Variants in DNAJC6 observed in about 807,000 individuals in gnomAD.
DNAJC6 encodes auxilin.
DNAJC6 carries 34 observed loss-of-function variants against 110.0 expected under a neutral mutation model. The observed-to-expected ratio is 0.31, with a 90% CI of 0.24 to 0.41. DNAJC6 has a LOEUF of 0.41. DNAJC6 is among the 10% of genes least tolerant of loss of function. The pLI is 1.00. For synonymous variants in DNAJC6, 406 were observed against 437.2 expected (o/e 0.93, Z 0.89); for missense variants, 1,031 against 1,207.8 (o/e 0.85, Z 2.17).
Position 65,389,576 on chromosome 1 carries a change from A to C in DNAJC6, c.1417A>C (p.Asn473His), listed in dbSNP as rs1287131724. The change falls in exon 11 of 19, where the codon AAC becomes CAC. Residue 473 changes from asparagine to histidine, a missense_variant. By Grantham distance (68) the Asn-to-His change is moderately conservative (BLOSUM62 1). Coordinates refer to ENST00000371069, the MANE Select transcript of DNAJC6 (RefSeq NM_001256864.2). ...GQAPIDIPPD[N>H]PRHYGQSGFF... ...GGCTCCAATAGATATCCCTCCAGACAACCCCAGGCATTACGGACAAAGTGG... is the reference window on the plus strand; with the variant it reads ...GGCTCCAATAGATATCCCTCCAGACCACCCCAGGCATTACGGACAAAGTGG... 6.2e-7 allele frequency: 1 copy of C among 1,614,200 alleles called. No individual in the cohort carries two copies. The highest frequency in any genetic ancestry group is 1.1e-5 in the South Asian group (1 of 91,086).
chr1:65,336,676 G>A (rs761268717), intron 1 of DNAJC6, among the ~76,000 whole-genome samples: 3 of 152,144 alleles, frequency 2.0e-5, no homozygotes, highest in Non-Finnish European at 4.4e-5. Flanking sequence ...TAAGGGCCTA[G>A]CTGGGCATGA....
chr1:65,409,094 C>A (rs1646103705), intron 17 of DNAJC6, among the ~76,000 whole-genome samples: 1 of 152,152 alleles, frequency 6.6e-6, no homozygotes, highest in Non-Finnish European at 1.5e-5. Context: ...TTGCTCAGGC[C>A]TCTTTCATAA....
chr1:65,399,554 A>G (rs868413089), intron 14 of DNAJC6, among the ~76,000 whole-genome samples: 26 of 152,172 alleles, frequency 1.7e-4, no homozygotes, highest in African/African-American at 6.3e-4. Context: ...CCCACAACGT[A>G]ACATTTACCC....
At chr1:65,377,464 A>G (rs1290811959) in intron 4 of DNAJC6, among the ~76,000 whole-genome samples, 1 of 152,238 alleles carries the variant, frequency 6.6e-6, no homozygotes, top group Non-Finnish European at 1.5e-5. Context: ...GCAAGGCATC[A>G]TAAAGTTTAA....
chr1:65,334,870 A>G (rs1645320499), intron 1 of DNAJC6, among the ~76,000 whole-genome samples: 1 of 152,126 alleles, frequency 6.6e-6, no homozygotes, highest in Non-Finnish European at 1.5e-5. Flanking sequence ...ATAAAATTTG[A>G]AGGCCTGTTA....
At chr1:65,266,482 A>G (rs886634545) in intron 1 of DNAJC6, among the ~76,000 whole-genome samples, 1 of 152,222 alleles carries the variant, frequency 6.6e-6, no homozygotes, top group Non-Finnish European at 1.5e-5. Context: ...TTTGACGTTT[A>G]AATTTTAATG....
intron 1 of DNAJC6, chr1:65,345,743 C>T (rs983048838): frequency 3.1e-5 from 29 of 939,412 alleles, no homozygotes; most frequent in Non-Finnish European, 3.7e-5. Context: ...TACTTTTGGC[C>T]TTTGGGATTT....
chr1:65,265,279 A>G (rs1248583288), intron 1 of DNAJC6, among the ~76,000 whole-genome samples: 1 of 152,214 alleles, frequency 6.6e-6, no homozygotes, highest in Non-Finnish European at 1.5e-5. Flanking sequence ...AATAGTTAAT[A>G]ATGAATATAC....
chr1:65,385,628 C>A lies in DNAJC6; in HGVS notation c.801-84C>A, dbSNP rs552001060. 1,949 of 1,244,454 alleles carry A rather than the reference C, an allele frequency of 1.6e-3. 4 individuals are homozygous for A. The highest frequency in any genetic ancestry group is 1.9e-3 in the Non-Finnish European group (1,773 of 929,358). 77.1% of individuals were successfully genotyped at this position (1,244,454 alleles called of 1,614,324 possible). On this transcript the variant is annotated intron_variant, in intron 6 of 18. Transcript: ENST00000371069. ...AAGTTTTTATTATAACAGTAATTTGCAAGAAGAATCTTCATAGCAAATATT... is the reference window on the plus strand; with the variant it reads ...AAGTTTTTATTATAACAGTAATTTGAAAGAAGAATCTTCATAGCAAATATT...
chr1:65,328,921 T>C (rs2101444310), intron 1 of DNAJC6, among the ~76,000 whole-genome samples: 1 of 152,354 alleles, frequency 6.6e-6, no homozygotes, highest in South Asian at 2.1e-4. Flanking sequence ...AGATATCATG[T>C]CCACTGGAAA....
intron 1 of DNAJC6, among the ~76,000 whole-genome samples, chr1:65,343,228 A>G (rs1296102938): frequency 1.3e-5 from 2 of 152,136 alleles, no homozygotes; most frequent in African/African-American, 4.8e-5. Context: ...TGTGTAGTGG[A>G]GACGCAATAC....
intron 1 of DNAJC6, among the ~76,000 whole-genome samples, chr1:65,290,611 G>A (rs1031731603): frequency 6.6e-6 from 1 of 152,092 alleles, no homozygotes; most frequent in African/African-American, 2.4e-5. Flanking sequence ...CTTCGGCAAG[G>A]CAGTTAGCAT....
chr1:65,338,585 G>T lies in DNAJC6; in HGVS notation c.194-26050G>T, dbSNP rs553264603. Among the ~76,000 whole-genome samples, 3 of 152,210 alleles carry T rather than the reference G, an allele frequency of 2.0e-5. No individual in the cohort carries two copies. In the East Asian group the frequency reaches 5.8e-4, roughly 29 times the overall value. The stretch of plus-strand genomic sequence containing the variant: ...ATAGTTTCAAATTCAAATCTTTAAA[G>T]CAGGTTGTATTCAAAGAAACAGCTT... On this transcript the variant is annotated intron_variant, in intron 1 of 18. Transcript: ENST00000371069.
chr1:65,395,577 A>C (rs1645968598), intron 13 of DNAJC6, among the ~76,000 whole-genome samples: 1 of 152,196 alleles, frequency 6.6e-6, no homozygotes, highest in African/African-American at 2.4e-5. Context: ...TAAAATACAT[A>C]CCAGATTTCA....
intron 1 of DNAJC6, among the ~76,000 whole-genome samples, chr1:65,334,855 T>C (rs1645320388): frequency 6.6e-6 from 1 of 152,172 alleles, no homozygotes; most frequent in Non-Finnish European, 1.5e-5. Flanking sequence ...GTGGTAACAA[T>C]GACTATAAAA....
At chr1:65,339,755 G>A (rs551400155) in intron 1 of DNAJC6, among the ~76,000 whole-genome samples, 6 of 152,152 alleles carry the variant, frequency 3.9e-5, no homozygotes, top group African/African-American at 1.4e-4. Context: ...AGTGCCAAAT[G>A]CAGGGAAAGA....
intron 1 of DNAJC6, among the ~76,000 whole-genome samples, chr1:65,278,490 G>A (rs1201328147): frequency 1.3e-5 from 2 of 152,258 alleles, no homozygotes; most frequent in East Asian, 3.9e-4. Context: ...TCTAGTACTT[G>A]AAAATGTACT....
chr1:65,306,851 T>C (rs1029579772), upstream of DNAJC6, among the ~76,000 whole-genome samples: 2 of 152,118 alleles, frequency 1.3e-5, no homozygotes, highest in Admixed American at 6.6e-5. Context: ...TTAGCCTTTA[T>C]TGAGCTTTTC....
intron 15 of DNAJC6, among the ~76,000 whole-genome samples, 191 bp from the exon 16 acceptor site, chr1:65,405,679 C>T (rs574857035): frequency 7.2e-4 from 110 of 152,204 alleles, no homozygotes; most frequent in African/African-American, 2.6e-3. Flanking sequence ...TTAAAACATA[C>T]CTAGAAATGT....
Sources: allele counts gnomAD v4.1 joint callset (sites outside exome capture counted in the v4.1 genomes callset), GRCh38; gene constraint gnomAD v4.1.1; transcripts MANE v1.5; gene names NCBI Gene and HGNC (gene_info 2026-07-23, HGNC 2026-07-21).